The following BCL11A variants were observed in gnomAD, a reference collection of about 807,000 sequenced individuals.
The protein encoded by BCL11A is BCL11 transcription factor A.
A neutral mutation model predicts 55.9 loss-of-function variants in BCL11A; 2 were observed. That is an observed-to-expected ratio of 0.04 (90% CI 0.01 to 0.11). The LOEUF is 0.11. Among genes scored for constraint, BCL11A ranks in the 10% least tolerant of loss-of-function variants. The pLI is 1.00. For missense variants in BCL11A, 817 were observed against 1,137.1 expected (o/e 0.72, Z 4.05); for synonymous variants, 465 against 473.4 (o/e 0.98, Z 0.23).
intron 2 of BCL11A, among the ~76,000 whole-genome samples, chr2:60,471,994 G>C (rs1170524729): frequency 6.6e-6 from 1 of 152,210 alleles, no homozygotes; most frequent in African/African-American, 2.4e-5. Context: ...TGGAAGCTTT[G>C]AAATTCCCTG....
intron 2 of BCL11A, among the ~76,000 whole-genome samples, chr2:60,469,571 A>G (rs1159976453): frequency 6.6e-6 from 1 of 152,234 alleles, no homozygotes; most frequent in African/African-American, 2.4e-5. Flanking sequence ...CATTCCAATA[A>G]TGCCAGCACC....
At position 60,546,754 on chromosome 2, in the gene BCL11A, T is replaced by C. The variant is rs893809972; in HGVS notation, c.56-454A>G. Among the ~76,000 whole-genome samples the C allele has an allele frequency of 5.3e-5, 8 of 152,324 alleles. No homozygotes were observed. The highest frequency in any genetic ancestry group is 1.4e-4 in the African/African-American group (6 of 41,572). ...TTTTTCCTATACACCAAGTTGTCCATTGTGCCAAAGAATGAAAGGAGAGGT... is the reference window on the plus strand; with the variant it reads ...TTTTTCCTATACACCAAGTTGTCCACTGTGCCAAAGAATGAAAGGAGAGGT... On this transcript the variant is annotated intron_variant, in intron 1 of 3. Coordinates refer to ENST00000642384, the MANE Select transcript of BCL11A (RefSeq NM_022893.4). The surrounding 1 kb of genome is among the most constrained non-coding windows in gnomAD (Gnocchi z 4.1).
intron 2 of BCL11A, among the ~76,000 whole-genome samples, chr2:60,470,187 G>A (rs758910469): frequency 8.5e-5 from 13 of 152,066 alleles, no homozygotes; most frequent in Non-Finnish European, 1.9e-4. Context: ...GGGAAGCCCT[G>A]GTGGAAGCAC....
chr2:60,461,236 C>A lies in BCL11A; in HGVS notation c.1676G>T (p.Ser559Ile). The A allele has an allele frequency of 6.2e-7, 1 of 1,610,300 alleles. No individual in the cohort carries two copies. The highest frequency in any genetic ancestry group is 8.5e-7 in the Non-Finnish European group (1 of 1,179,776). Reference protein sequence around the residue: ...GMVLSSMQHFSEAFHQVLGEK... With the variant: ...GMVLSSMQHFIEAFHQVLGEK... Reference sequence around the variant, plus strand: ...GCCCAGGACCTGGTGGAAGGCCTCGCTGAAGTGCTGCATGGAGCTGAGCAC... The same window carrying A: ...GCCCAGGACCTGGTGGAAGGCCTCGATGAAGTGCTGCATGGAGCTGAGCAC... Residue 559 changes from serine (S) to isoleucine (I), a missense_variant, in exon 4 of 4, where the codon AGC (serine) becomes ATC (isoleucine). Coordinates refer to ENST00000642384, the MANE Select transcript of BCL11A (RefSeq NM_022893.4).
Position 60,458,431 on chromosome 2 carries a change from A to T in BCL11A, c.*1973T>A, listed in dbSNP as rs577129145. 2.5e-3 allele frequency: 2,557 copies of T among 1,020,886 alleles called. 4 individuals carry two copies. The highest frequency in any genetic ancestry group is 0.011 in the Middle Eastern group (24 of 2,124). The allele number at this position is 1,020,886 out of a possible 1,614,324, so 63.2% of individuals were successfully genotyped here. On this transcript the variant is annotated 3_prime_UTR_variant, in exon 4 of 4. Transcript: ENST00000642384. ...CATAATGAAGTGTTTTTTAAAAAAAATTTTTCTTAACATTTATATTTAAAA... is the reference window on the plus strand; with the variant it reads ...CATAATGAAGTGTTTTTTAAAAAAATTTTTTCTTAACATTTATATTTAAAA...
rs1488862612 is a variant in BCL11A at position 60,529,534 on chromosome 2, C to T, written c.385+16437G>A. Among the ~76,000 whole-genome samples, 3 of 152,198 alleles carry T rather than the reference C, an allele frequency of 2.0e-5. No individual in the cohort carries two copies. The East Asian group carries it at 5.8e-4, about 29-fold the overall frequency. ...TATTTCCCCTCTTTCTGTCCCTCCT[C>T]CCTTTCTTACCAGCTCAGGTTACAA... is the stretch of plus-strand genomic sequence containing the variant. On this transcript the variant is annotated intron_variant, in intron 2 of 3. Transcript: ENST00000642384.
chr2:60,547,197 C>A (rs1670195559), intron 1 of BCL11A, among the ~76,000 whole-genome samples: 1 of 152,082 alleles, frequency 6.6e-6, no homozygotes, highest in African/African-American at 2.4e-5. Flanking sequence ...AATGGTCAAG[C>A]AAACACCACA....
downstream of BCL11A, among the ~76,000 whole-genome samples, chr2:60,456,225 G>T (rs888109737): frequency 3.3e-5 from 5 of 152,076 alleles, no homozygotes; most frequent in Non-Finnish European, 5.9e-5. Flanking sequence ...TTTTGTTTTG[G>T]TTTTTTACAA....
rs144395176 is a variant in BCL11A at position 60,482,765 on chromosome 2, C to T, written c.386-13932G>A. Among the ~76,000 whole-genome samples the T allele has an allele frequency of 2.5e-3, 378 of 152,354 alleles. 1 individual carries two copies. The highest frequency in any genetic ancestry group is 8.8e-3 in the African/African-American group (366 of 41,576). On this transcript the variant is annotated intron_variant, in intron 2 of 3. Transcript: ENST00000642384. Reference sequence around the variant, plus strand: ...TATTTTGAAGGACAGGTTAGTACCACACTACATTTAACTGGATTCAGTTCA... The same window carrying T: ...TATTTTGAAGGACAGGTTAGTACCATACTACATTTAACTGGATTCAGTTCA...
chr2:60,550,560 G>A (rs1345550286), intron 1 of BCL11A, among the ~76,000 whole-genome samples: 1 of 151,988 alleles, frequency 6.6e-6, no homozygotes, highest in Non-Finnish European at 1.5e-5. Flanking sequence ...AGCAGAGGCG[G>A]GGGGCGGGGG....
At chr2:60,486,331 G>GC (rs1558635838) in intron 2 of BCL11A, among the ~76,000 whole-genome samples, 1 of 152,166 alleles carries the variant, frequency 6.6e-6, no homozygotes, top group African/African-American at 2.4e-5. Context: ...CTCCAATTTG[G>GC]CAACTTTGCC....
chr2:60,509,737 T>C (rs1679877820), intron 2 of BCL11A, among the ~76,000 whole-genome samples: 1 of 152,126 alleles, frequency 6.6e-6, no homozygotes, highest in Non-Finnish European at 1.5e-5. Context: ...ATCTCAGCTA[T>C]AGGCAGTCAA....
chr2:60,477,376 T>C (rs1225698363), intron 2 of BCL11A, among the ~76,000 whole-genome samples: 1 of 152,192 alleles, frequency 6.6e-6, no homozygotes, highest in East Asian at 1.9e-4. Context: ...TCACAACAAA[T>C]GTGCTTTATG....
intron 2 of BCL11A, among the ~76,000 whole-genome samples, chr2:60,511,339 C>T (rs1679975126): frequency 6.6e-6 from 1 of 152,180 alleles, no homozygotes; most frequent in Non-Finnish European, 1.5e-5. Context: ...AAGTGCTCCC[C>T]AGTAGGCAAT....
At chr2:60,545,719 A>C (rs1053609179) in intron 2 of BCL11A, 1 of 450,424 alleles carries the variant, frequency 2.2e-6, no homozygotes, top group African/African-American at 2.0e-5. Context: ...CAAAATCGAC[A>C]GATCCAGAGA....
At chr2:60,472,271 C>T (rs1367408016) in intron 2 of BCL11A, among the ~76,000 whole-genome samples, 21 of 152,184 alleles carry the variant, frequency 1.4e-4, no homozygotes, top group Non-Finnish European at 1.5e-5. Context: ...CCATTAAAGC[C>T]GACATGTCAG....
chr2:60,509,722 A>C (rs1396907181), intron 2 of BCL11A, among the ~76,000 whole-genome samples: 1 of 152,178 alleles, frequency 6.6e-6, no homozygotes. Flanking sequence ...AACTCGACTT[A>C]AATCATCTCA....
chr2:60,546,373 C>T lies in BCL11A; in HGVS notation c.56-73G>A. 7.9e-7 allele frequency: 1 copy of T among 1,263,442 alleles called. No individual in the cohort carries two copies. 78.3% of individuals were successfully genotyped at this position (1,263,442 alleles called of 1,614,324 possible). Reference sequence around the variant, plus strand: ...CAGAAAGGGGAGAAGCACATCTCAACCCCATGCCATCCCACCACATCATGT... The same window carrying T: ...CAGAAAGGGGAGAAGCACATCTCAATCCCATGCCATCCCACCACATCATGT... On this transcript the variant is annotated intron_variant, in intron 1 of 3. Transcript: ENST00000642384. The surrounding 1 kb of genome is among the most constrained non-coding windows in gnomAD (Gnocchi z 4.1).
intron 2 of BCL11A, among the ~76,000 whole-genome samples, chr2:60,540,464 CG>C (rs1669869885): frequency 6.6e-6 from 1 of 152,252 alleles, no homozygotes; most frequent in Non-Finnish European, 1.5e-5. Context: ...CTTTCTACTT[CG>C]GTTAAATTTA....
Sources: allele counts gnomAD v4.1 joint callset (sites outside exome capture counted in the v4.1 genomes callset), GRCh38; gene constraint gnomAD v4.1.1; non-coding constraint Gnocchi (gnomAD v3.1); transcripts MANE v1.5; gene names NCBI Gene and HGNC (gene_info 2026-07-23, HGNC 2026-07-21).